FAM149A: variants seen among roughly 807,000 people sequenced by gnomAD.
FAM149A encodes the protein protein FAM149A.
FAM149A carries 71 observed loss-of-function variants against 78.2 expected under a neutral mutation model. The observed-to-expected ratio is 0.91, with a 90% CI of 0.75 to 1.11. FAM149A has a LOEUF of 1.11. Among genes scored for constraint, FAM149A ranks in the 50% least tolerant of loss-of-function variants. FAM149A has a pLI of 0.00. For synonymous variants in FAM149A, 446 were observed against 410.5 expected, an observed-to-expected ratio of 1.09 and a Z score of -1.04; for missense variants, 1,036 against 971.0, an observed-to-expected ratio of 1.07 and a Z score of -0.89.
intron 1 of FAM149A, among the ~76,000 whole-genome samples, chr4:186,135,005 T>C (rs566838424): frequency 6.6e-6 from 1 of 152,254 alleles, no homozygotes; most frequent in Non-Finnish European, 1.5e-5. Flanking sequence ...GCTCTCGAAG[T>C]GCCATCCTGG....
chr4:186,106,770 AC>A (rs1181385145), intron 1 of FAM149A, among the ~76,000 whole-genome samples: 1 of 151,970 alleles, frequency 6.6e-6, no homozygotes, highest in Non-Finnish European at 1.5e-5. Context: ...ACACGATGAA[AC>A]CCCGTCTCTA....
chr4:186,111,158 T>G (rs1321023944), intron 1 of FAM149A, among the ~76,000 whole-genome samples: 1 of 148,130 alleles, frequency 6.8e-6, no homozygotes, highest in Admixed American at 6.7e-5. Context: ...ATGATGAGCA[T>G]TTTTTCATGT....
intron 1 of FAM149A, among the ~76,000 whole-genome samples, chr4:186,135,522 T>C (rs1466916456): frequency 6.6e-6 from 1 of 152,126 alleles, no homozygotes; most frequent in Non-Finnish European, 1.5e-5. Context: ...GTCTCAACAT[T>C]TTTGTCAACT....
intron 1 of FAM149A, among the ~76,000 whole-genome samples, chr4:186,140,823 C>T (rs1045874594): frequency 6.6e-6 from 1 of 152,098 alleles, no homozygotes; most frequent in Non-Finnish European, 1.5e-5. Flanking sequence ...ATTAGGTTCT[C>T]CAGAGAAACA....
chr4:186,118,705 A>T (rs1379544441), intron 1 of FAM149A, among the ~76,000 whole-genome samples: 1 of 152,152 alleles, frequency 6.6e-6, no homozygotes, highest in Non-Finnish European at 1.5e-5. Context: ...CAATATTCAG[A>T]TAGTATCCTC....
At position 186,144,724 on chromosome 4, in the gene FAM149A, G is replaced by GGGGCCA. The variant is rs1429331762; in HGVS notation, c.567-4444_567-4443insAGGGCC. On this transcript the variant is annotated intron_variant, in intron 1 of 13. Coordinates refer to ENST00000389354, the MANE Select transcript of FAM149A (RefSeq NM_001367768.3). The surrounding 1 kb of genome is among the most constrained non-coding windows in gnomAD (Gnocchi z 4.2). ...GGCGCGCTTTCCCGGAGGTCGGCGC[G>GGGGCCA]GGGCCGGGGCCGGGGCCGGGGCCCG... 0.013 allele frequency: 3,243 copies of GGGGCCA among 248,556 alleles called. 118 individuals are homozygous for GGGGCCA. In the African/African-American group the frequency reaches 0.16, roughly 12 times the overall value. 15.4% of individuals were successfully genotyped at this position (248,556 alleles called of 1,614,324 possible).
chr4:186,113,250 T>G lies in FAM149A; in HGVS notation c.566+7608T>G, dbSNP rs1189124183. On this transcript the variant is annotated intron_variant, in intron 1 of 13. Coordinates refer to ENST00000389354, the MANE Select transcript of FAM149A (RefSeq NM_001367768.3). ...TGTGGGATCAGTGGTGATATCCCCT[T>G]TATCATTTTTTATTGTGTCTATTTG... Among the ~76,000 whole-genome samples, 9 of 93,870 alleles carry G rather than the reference T, an allele frequency of 9.6e-5. 1 individual carries two copies. The South Asian group carries it at 1.8e-3, about 18-fold the overall frequency. 61.6% of individuals were successfully genotyped at this position (93,870 alleles called of 152,430 possible).
At chr4:186,170,607 C>T (rs907948729) in intron 13 of FAM149A, among the ~76,000 whole-genome samples, 1 of 152,188 alleles carries the variant, frequency 6.6e-6, no homozygotes, top group Non-Finnish European at 1.5e-5. Flanking sequence ...CACTGAGCAG[C>T]CTGGTGAGCT....
chr4:186,123,153 G>A (rs2099316818), intron 1 of FAM149A: 1 of 908,254 alleles, frequency 1.1e-6, no homozygotes. Context: ...GGAGTCCAGT[G>A]TTAATCCAAG....
rs975952680 is a variant in FAM149A, at chr4:186,136,419, G to A, written c.567-12754G>A. 2.6e-5 allele frequency among the ~76,000 whole-genome samples: 4 copies of A among 152,066 alleles called. No homozygotes were observed. In the East Asian group the frequency reaches 7.7e-4, roughly 29 times the overall value. Reference sequence around the variant, plus strand: ...GAAACAATGAAATTTCTGTTTCTCTGGTTCAAAGTAGTATAATATGGACAA... The same window carrying A: ...GAAACAATGAAATTTCTGTTTCTCTAGTTCAAAGTAGTATAATATGGACAA... On this transcript the variant is annotated intron_variant, in intron 1 of 13. Coordinates refer to ENST00000389354, the MANE Select transcript of FAM149A (RefSeq NM_001367768.3).
chr4:186,108,900 T>G (rs868818371), intron 1 of FAM149A, among the ~76,000 whole-genome samples: 2 of 150,364 alleles, frequency 1.3e-5, no homozygotes, highest in Non-Finnish European at 3.0e-5. Context: ...CAGGCTGGAG[T>G]GCAGTGGCGC....
chr4:186,137,212 C>CT (rs2099323762), intron 1 of FAM149A, among the ~76,000 whole-genome samples: 1 of 151,612 alleles, frequency 6.6e-6, no homozygotes, highest in African/African-American at 2.4e-5. Context: ...CTGGATAAAG[C>CT]TGTGTACCCT....
At chr4:186,129,135 CTGTGTGTCTG>C (rs66502127) in intron 1 of FAM149A, among the ~76,000 whole-genome samples, 14,840 of 137,286 alleles carry the variant, frequency 0.11, 811 homozygotes, top group South Asian at 0.16. Context: ...GTATGTGCCT[CTGTGTGTCTG>C]TGTGTGTCTG....
At chr4:186,160,696 C>A (rs909345898) in intron 8 of FAM149A, 13 of 647,764 alleles carry the variant, frequency 2.0e-5, no homozygotes, top group African/African-American at 2.0e-5. Context: ...ACACATACCA[C>A]ACACACTACC....
intron 8 of FAM149A, chr4:186,158,932 G>A (rs1050828278): frequency 7.6e-6 from 3 of 396,768 alleles, no homozygotes; most frequent in African/African-American, 4.4e-5. Flanking sequence ...AATGATATTC[G>A]GGTCTGTTTG....
intron 1 of FAM149A, among the ~76,000 whole-genome samples, chr4:186,121,920 T>C (rs2099316233): frequency 6.6e-6 from 1 of 152,216 alleles, no homozygotes; most frequent in South Asian, 2.1e-4. Flanking sequence ...GTGATTTATC[T>C]GCCTGAATTC....
Position 186,154,550 on chromosome 4 carries a change from G to C in FAM149A, c.1141G>C (p.Asp381His). The change falls in exon 6 of 14, where the codon GAC becomes CAC. Residue 381 changes from aspartate to histidine, a missense_variant. Transcript: ENST00000389354. ...AGGCCCTGATGACACAGGGGTTGCT[G>C]ACCTAACGGCACGTTCATCCCTGGA... 6.2e-7 allele frequency: 1 copy of C among 1,614,130 alleles called. No homozygotes were observed. The highest frequency in any genetic ancestry group is 8.5e-7 in the Non-Finnish European group (1 of 1,180,014).
chr4:186,158,141 G>T, intron 8 of FAM149A: 1 of 1,288,186 alleles, frequency 7.8e-7, no homozygotes, highest in South Asian at 1.3e-5. Flanking sequence ...CAGGAACACT[G>T]GCCGGCAGGC....
At chr4:186,163,229 T>C (rs1279993973) in intron 9 of FAM149A, among the ~76,000 whole-genome samples, 195 bp from the exon 10 acceptor site, 2 of 152,242 alleles carry the variant, frequency 1.3e-5, no homozygotes, top group Non-Finnish European at 2.9e-5. Flanking sequence ...GGGAAAACCT[T>C]AGCCCTCTGC....
Sources: gnomAD v4.1 joint callset for allele counts (sites outside exome capture counted in the v4.1 genomes callset) on GRCh38, gnomAD v4.1.1 for gene constraint, Gnocchi (gnomAD v3.1) non-coding constraint, MANE v1.5 for transcripts, NCBI Gene and HGNC (gene_info 2026-07-23, HGNC 2026-07-21) for gene names.